NOL11: variants seen among roughly 807,000 people sequenced by gnomAD.
NOL11 encodes the protein nucleolar protein 11.
NOL11 carries 42 observed loss-of-function variants against 93.0 expected under a neutral mutation model. The ratio of observed to expected loss-of-function variants is 0.45; its 90% confidence interval spans 0.35 to 0.58. The LOEUF (loss-of-function observed/expected upper bound fraction) is 0.58, where lower values mean the gene tolerates loss of function less well. Among genes scored for constraint, NOL11 ranks in the 20% least tolerant of loss-of-function variants. The pLI is 0.00. For synonymous variants in NOL11, 296 were observed against 293.7 expected, an observed-to-expected ratio of 1.01 and a Z score of -0.08; for missense variants, 775 against 841.8, an observed-to-expected ratio of 0.92 and a Z score of 0.98.
intron 8 of NOL11, among the ~76,000 whole-genome samples, chr17:67,734,968 T>C (rs1369996883): frequency 6.6e-6 from 1 of 152,248 alleles, no homozygotes. Flanking sequence ...TAAAACAGCT[T>C]TTGTTTTTAG....
intron 7 of NOL11, among the ~76,000 whole-genome samples, chr17:67,729,769 C>T (rs1599041139): frequency 6.7e-6 from 1 of 149,888 alleles, no homozygotes; most frequent in Non-Finnish European, 1.5e-5. Context: ...TTAGTAGAGA[C>T]GGGGTTTCAC....
chr17:67,725,194 A>G (rs936535042), intron 6 of NOL11, among the ~76,000 whole-genome samples: 4 of 152,354 alleles, frequency 2.6e-5, no homozygotes, highest in East Asian at 3.9e-4. Flanking sequence ...TAAACTGTCT[A>G]TGCTTGGCAT....
At chr17:67,721,609 T>C (rs1207257174) in intron 4 of NOL11, 83 bp downstream of exon 4, 1 of 1,170,980 alleles carries the variant, frequency 8.5e-7, no homozygotes, top group Non-Finnish European at 1.2e-6. Context: ...GTATTTTGGT[T>C]ATAAACATAA....
rs553565274 is a variant in NOL11, at chr17:67,737,229, T to A, written c.1218+84T>A. On this transcript the variant is annotated intron_variant, in intron 11 of 17. Coordinates refer to ENST00000253247, the MANE Select transcript of NOL11 (RefSeq NM_015462.5). ...TCTACTCTTCGTTCTGTCTTATTTT[T>A]ATGATCATCTTTATACCTATAGCTA... The A allele has an allele frequency of 3.7e-5, 32 of 858,646 alleles. 2 individuals are homozygous for A. The South Asian group carries it at 4.5e-4, about 12-fold the overall frequency. 53.2% of individuals were successfully genotyped at this position (858,646 alleles called of 1,614,324 possible). A position where few individuals can be genotyped will look rare whatever the true frequency, so the allele number is the denominator to read the frequency against.
intron 7 of NOL11, among the ~76,000 whole-genome samples, chr17:67,730,515 C>T (rs949253471): frequency 7.2e-5 from 11 of 152,236 alleles, no homozygotes; most frequent in African/African-American, 2.7e-4. Context: ...CCGCCTCAGC[C>T]TCCCGAAGTG....
intron 15 of NOL11, 30 bp from the exon 16 acceptor site, chr17:67,739,486 G>A (rs2055234617): frequency 7.4e-7 from 1 of 1,360,520 alleles, no homozygotes; most frequent in Non-Finnish European, 1.0e-6. Context: ...CTATCAAAAT[G>A]ATAAACTATC....
intron 7 of NOL11, among the ~76,000 whole-genome samples, chr17:67,729,450 CA>C (rs2055130157): frequency 6.6e-6 from 1 of 151,768 alleles, no homozygotes; most frequent in African/African-American, 2.4e-5. Context: ...TTCATTATGT[CA>C]AAAGGAACCT....
chr17:67,736,629 A>G (rs748169846), intron 9 of NOL11, 37 bp from the exon 10 acceptor site: 4 of 1,401,900 alleles, frequency 2.9e-6, no homozygotes. Flanking sequence ...AAGTAAGTCA[A>G]AACATTCCAG....
intron 16 of NOL11, among the ~76,000 whole-genome samples, chr17:67,742,604 G>C (rs1206391333): frequency 6.6e-6 from 1 of 151,784 alleles, no homozygotes; most frequent in Non-Finnish European, 1.5e-5. Context: ...ATAGTCACCA[G>C]CTTTCCCTAC....
chr17:67,730,668 A>G (rs952839628), intron 7 of NOL11, among the ~76,000 whole-genome samples: 1 of 152,188 alleles, frequency 6.6e-6, no homozygotes, highest in African/African-American at 2.4e-5. Flanking sequence ...TGGGTACATA[A>G]CAGGTGTATG....
At chr17:67,724,825 G>T (rs992266664) in intron 6 of NOL11, among the ~76,000 whole-genome samples, 17 of 152,150 alleles carry the variant, frequency 1.1e-4, no homozygotes, top group African/African-American at 4.1e-4. Flanking sequence ...TTGGGAGGCT[G>T]AGGTGGGCAG....
rs1567805782 is a variant in NOL11, at chr17:67,739,573, A to T, written c.1900A>T (p.Thr634Ser). 6.2e-7 allele frequency: 1 copy of T among 1,600,764 alleles called. No homozygotes were observed. Among genetic ancestry groups the T allele is most frequent in the Non-Finnish European group, 8.5e-7 (1 of 1,175,172 alleles). ...GAAGTGTAGCGAAAATGCTACTATG[A>T]CTCTTCCTGGAATACACCCACCTAC... ...YLKCSENATMTLPGIHPPTLN... is the reference protein window; with the variant it reads ...YLKCSENATMSLPGIHPPTLN... The change falls in exon 16 of 18, where the codon ACT becomes TCT. Residue 634 changes from threonine to serine, a missense_variant. Coordinates refer to ENST00000253247, the MANE Select transcript of NOL11 (RefSeq NM_015462.5).
chr17:67,724,332 C>CTTT (rs34287872), intron 6 of NOL11, 139 bp downstream of exon 6: 187 of 250,478 alleles, frequency 7.5e-4, no homozygotes, highest in Non-Finnish European at 9.2e-4. Context: ...CATGCCTTCA[C>CTTT]TTTTTTTTTT....
At chr17:67,729,406 A>G (rs1182307138) in intron 7 of NOL11, among the ~76,000 whole-genome samples, 1 of 152,102 alleles carries the variant, frequency 6.6e-6, no homozygotes, top group Non-Finnish European at 1.5e-5. Context: ...GGCGTGAGCC[A>G]CTGCACCTGG....
intron 7 of NOL11, 73 bp downstream of exon 7, chr17:67,726,721 C>G (rs2055098067): frequency 8.4e-7 from 1 of 1,191,160 alleles, no homozygotes; most frequent in Non-Finnish European, 1.1e-6. Flanking sequence ...TCTTCCTTTT[C>G]TTTTTCATTT....
At position 67,743,957 on chromosome 17, in the gene NOL11, G is replaced by A. The variant is rs1599052201; in HGVS notation, c.*98G>A. 1 of 648,480 alleles carries A rather than the reference G, an allele frequency of 1.5e-6. No individual in the cohort carries two copies. The highest frequency in any genetic ancestry group is 2.9e-5 in the East Asian group (1 of 34,934). The allele number at this position is 648,480 out of a possible 1,614,324, so 40.2% of individuals were successfully genotyped here. A position where few individuals can be genotyped will look rare whatever the true frequency, so the allele number is the denominator to read the frequency against. ...CGGTGTTTTGTTTGCGACCATCTCAGTGTCAAGAGAAACGTGTCAGTGAGT... is the reference window on the plus strand; with the variant it reads ...CGGTGTTTTGTTTGCGACCATCTCAATGTCAAGAGAAACGTGTCAGTGAGT... On this transcript the variant is annotated 3_prime_UTR_variant, in exon 18 of 18. Transcript: ENST00000253247.
intron 9 of NOL11, among the ~76,000 whole-genome samples, chr17:67,736,238 G>C (rs1414945045): frequency 6.6e-6 from 1 of 151,512 alleles, no homozygotes; most frequent in Non-Finnish European, 1.5e-5. Context: ...TTGAGCCCGG[G>C]AGTTCAAGAC....
intron 8 of NOL11, among the ~76,000 whole-genome samples, chr17:67,735,336 A>C (rs6504525): frequency 0.023 from 3,407 of 145,476 alleles, 158 homozygotes; most frequent in African/African-American, 0.092. Context: ...ATTTAATTAT[A>C]CTTTATATGT....
chr17:67,738,725 A>G (rs1166158380), intron 14 of NOL11: 10 of 509,358 alleles, frequency 2.0e-5, no homozygotes, highest in African/African-American at 1.6e-4. Flanking sequence ...AGCTCTATCA[A>G]TTCTGAAGAT....
Sources: gnomAD v4.1 joint callset for allele counts (sites outside exome capture counted in the v4.1 genomes callset) on GRCh38, gnomAD v4.1.1 for gene constraint, MANE v1.5 for transcripts, NCBI Gene and HGNC (gene_info 2026-07-23, HGNC 2026-07-21) for gene names.